VPS13C: variants seen among roughly 807,000 people sequenced by gnomAD.
VPS13C encodes vacuolar protein sorting 13 homolog C, also known as intermembrane lipid transfer protein VPS13C.
VPS13C carries 358 observed loss-of-function variants against 456.8 expected under a neutral mutation model. The observed-to-expected ratio is 0.78, with a 90% CI of 0.72 to 0.86. VPS13C has a LOEUF of 0.86. Ranked by LOEUF, VPS13C falls within the 40% of genes least tolerant of loss-of-function variation. VPS13C has a pLI of 0.00. For missense variants in VPS13C, 4,818 were observed against 4,385.4 expected (o/e 1.10, Z -2.79); for synonymous variants, 1,578 against 1,486.7 (o/e 1.06, Z -1.41).
At chr15:61,946,134 G>C (rs1567034087) in intron 44 of VPS13C, among the ~76,000 whole-genome samples, 173 bp downstream of exon 44, 1 of 152,030 alleles carries the variant, frequency 6.6e-6, no homozygotes, top group Admixed American at 6.5e-5. Flanking sequence ...TGTGTATCAA[G>C]AGGCCTAGTC....
At chr15:62,033,206 A>G (rs2047876477) in intron 5 of VPS13C, among the ~76,000 whole-genome samples, 1 of 151,724 alleles carries the variant, frequency 6.6e-6, no homozygotes, top group Non-Finnish European at 1.5e-5. Flanking sequence ...AAAAATGACT[A>G]ATTAAGAAAA....
intron 66 of VPS13C, 76 bp from the exon 67 acceptor site, chr15:61,890,476 AAGATT>A: frequency 1.5e-6 from 2 of 1,292,668 alleles, no homozygotes; most frequent in East Asian, 5.1e-5. Context: ...TAATAACAGA[AAGATT>A]AGAAAAGTTT....
chr15:61,994,018 GA>G lies in VPS13C; in HGVS notation c.1354-2217del, dbSNP rs528089665. ...AAAATATACAAATGAGACCTAAGAT[GA>G]AGACGGATGCAGAGCGCTTTCCCTT... On this transcript the variant is annotated intron_variant, in intron 16 of 84. Transcript: ENST00000644861. Among the ~76,000 whole-genome samples the G allele has an allele frequency of 1.5e-3, 235 of 152,200 alleles. 2 individuals are homozygous for G. The South Asian group carries it at 0.023, about 15-fold the overall frequency.
At chr15:62,001,693 A>G (rs1323245641) in intron 15 of VPS13C, among the ~76,000 whole-genome samples, 1 of 151,954 alleles carries the variant, frequency 6.6e-6, no homozygotes, top group Non-Finnish European at 1.5e-5. Flanking sequence ...AACAGTCCCC[A>G]GAGTGTGATG....
intron 15 of VPS13C, among the ~76,000 whole-genome samples, chr15:62,001,773 G>C (rs995959840): frequency 2.0e-5 from 3 of 152,086 alleles, no homozygotes; most frequent in South Asian, 2.1e-4. Flanking sequence ...GCGGTGTTTG[G>C]TTTTTTGTTC....
intron 42 of VPS13C, among the ~76,000 whole-genome samples, chr15:61,948,397 T>C (rs1027320017): frequency 6.6e-6 from 1 of 151,934 alleles, no homozygotes; most frequent in Non-Finnish European, 1.5e-5. Flanking sequence ...AAAAATCACA[T>C]CCGGCCGGGC....
chr15:61,961,990 T>G, intron 34 of VPS13C, 97 bp from the exon 35 acceptor site: 1 of 1,350,696 alleles, frequency 7.4e-7, no homozygotes, highest in Non-Finnish European at 9.9e-7. Context: ...ACTTTTTTTT[T>G]CCAATATTTA....
At chr15:61,935,274 C>T (rs752893694) in intron 48 of VPS13C, among the ~76,000 whole-genome samples, 35 of 152,158 alleles carry the variant, frequency 2.3e-4, no homozygotes, top group African/African-American at 4.3e-4. Context: ...ATCACTCTTA[C>T]GGACTGATTC....
rs888032470 is a variant in VPS13C at position 61,952,493 on chromosome 15, T to C, written c.4300-513A>G. Among the ~76,000 whole-genome samples, 90 of 152,256 alleles carry C rather than the reference T, an allele frequency of 5.9e-4. 1 individual carries two copies. The highest frequency in any genetic ancestry group is 5.8e-3 in the Admixed American group (89 of 15,290). Reference sequence around the variant, plus strand: ...TACAAAGAATATTTAAAAGGTCTTATGGACTTTATATATGTGTGTGTGTAT... The same window carrying C: ...TACAAAGAATATTTAAAAGGTCTTACGGACTTTATATATGTGTGTGTGTAT... On this transcript the variant is annotated intron_variant, in intron 38 of 84. Transcript: ENST00000644861.
rs1022260111 is a variant in VPS13C at position 61,978,750 on chromosome 15, C to G, written c.2167-1G>C. On this transcript the variant is annotated splice_acceptor_variant, in intron 22 of 84. Coordinates refer to ENST00000644861, the MANE Select transcript of VPS13C (RefSeq NM_020821.3). LOFTEE classifies it high-confidence loss of function. ...GTAAACCTTGATCTTTACTGTTGAG[C>G]TAAAATGAAGGACAAATTTCAATTT... The G allele has an allele frequency of 2.3e-5, 37 of 1,575,920 alleles. No individual in the cohort carries two copies. The highest frequency in any genetic ancestry group is 3.2e-5 in the Non-Finnish European group (37 of 1,166,398).
chr15:61,972,817 A>G, intron 26 of VPS13C, 53 bp from the exon 27 acceptor site: 1 of 1,495,314 alleles, frequency 6.7e-7, no homozygotes, highest in Admixed American at 2.1e-5. Flanking sequence ...TGAAAACTGC[A>G]TGAAACACTC....
chr15:61,947,699 C>T (rs2044653943), intron 42 of VPS13C, among the ~76,000 whole-genome samples: 1 of 152,032 alleles, frequency 6.6e-6, no homozygotes, highest in African/African-American at 2.4e-5. Flanking sequence ...GGAAGAATAA[C>T]TCATGATAAA....
At chr15:61,945,427 T>A (rs1334335721) in intron 45 of VPS13C, among the ~76,000 whole-genome samples, 1 of 152,204 alleles carries the variant, frequency 6.6e-6, no homozygotes, top group Non-Finnish European at 1.5e-5. Context: ...ATATATCTCA[T>A]TAAACAAGTT....
At chr15:61,927,432 G>A in intron 51 of VPS13C, 112 bp from the exon 52 acceptor site, 1 of 757,338 alleles carries the variant, frequency 1.3e-6, no homozygotes, top group Admixed American at 2.8e-5. Context: ...TAACAGATAT[G>A]GTGAAACTGA....
intron 16 of VPS13C, among the ~76,000 whole-genome samples, chr15:61,995,138 A>C (rs559379105): frequency 6.6e-6 from 1 of 152,342 alleles, no homozygotes; most frequent in Non-Finnish European, 1.5e-5. Flanking sequence ...TATTCTATAA[A>C]AATTGCTCTT....
intron 38 of VPS13C, 115 bp downstream of exon 38, chr15:61,954,306 A>C (rs761570054): frequency 1.8e-5 from 21 of 1,138,872 alleles, no homozygotes; most frequent in Non-Finnish European, 2.6e-5. Context: ...CTACATGTGA[A>C]CAGCCCACAT....
At chr15:62,036,818 T>A (rs1354393646) in intron 3 of VPS13C, among the ~76,000 whole-genome samples, 4 of 151,860 alleles carry the variant, frequency 2.6e-5, no homozygotes, top group Admixed American at 2.6e-4. Context: ...CTTTTATAGA[T>A]CAGGAAATTT....
At chr15:61,923,173 A>G (rs2140189746) in intron 53 of VPS13C, among the ~76,000 whole-genome samples, 1 of 151,982 alleles carries the variant, frequency 6.6e-6, no homozygotes, top group South Asian at 2.1e-4. Flanking sequence ...CCTTGTCAAG[A>G]TACACATAAA....
chr15:61,991,992 C>T (rs1037502608), intron 16 of VPS13C, among the ~76,000 whole-genome samples, 190 bp from the exon 17 acceptor site: 3 of 151,554 alleles, frequency 2.0e-5, no homozygotes, highest in African/African-American at 4.9e-5. Flanking sequence ...TTTATTAATA[C>T]TTCTCACACC....
Sources: gnomAD v4.1 joint callset for allele counts (sites outside exome capture counted in the v4.1 genomes callset) on GRCh38, gnomAD v4.1.1 for gene constraint, MANE v1.5 for transcripts, NCBI Gene and HGNC (gene_info 2026-07-23, HGNC 2026-07-21) for gene names.